IFT80: variants seen among roughly 807,000 people sequenced by gnomAD.
IFT80 encodes intraflagellar transport 80, also known as intraflagellar transport protein 80 homolog.
Under a neutral mutation model 107.9 loss-of-function variants are expected in IFT80, and 79 were observed. The ratio of observed to expected loss-of-function variants is 0.73; its 90% CI spans 0.61 to 0.88. The LOEUF (loss-of-function observed/expected upper bound fraction) is 0.88. Ranked by LOEUF, IFT80 falls within the 40% of genes least tolerant of loss-of-function variation. The probability of loss-of-function intolerance (pLI) is 0.00; values close to 1 mark genes in which losing one functional copy is unlikely to be tolerated. For synonymous variants in IFT80, 299 were observed against 300.9 expected, an observed-to-expected ratio of 0.99 and a Z score of 0.07; for missense variants, 797 against 914.2, an observed-to-expected ratio of 0.87 and a Z score of 1.65.
At chr3:160,324,396 A>C (rs1385924240) in intron 8 of IFT80, among the ~76,000 whole-genome samples, 2 of 151,994 alleles carry the variant, frequency 1.3e-5, no homozygotes, top group African/African-American at 2.4e-5. Context: ...TACTGGCAAA[A>C]CGAATCCAGC....
At chr3:160,282,438 G>A (rs1404099209) in intron 14 of IFT80, 40 bp downstream of exon 14, 1 of 1,308,496 alleles carries the variant, frequency 7.6e-7, no homozygotes, top group Admixed American at 2.0e-5. Context: ...ATATAAGAAA[G>A]TTGACAATTA....
At chr3:160,258,689 G>C in intron 19 of IFT80, 54 bp from the exon 20 acceptor site, 3 of 1,589,034 alleles carry the variant, frequency 1.9e-6, no homozygotes, top group Non-Finnish European at 2.6e-6. Context: ...AGACATTTTT[G>C]TTTACTCCAA....
At position 160,277,166 on chromosome 3, in the gene IFT80, C is replaced by A. The variant is rs1576739438; in HGVS notation, c.2099+140G>T. 1.2e-5 allele frequency: 9 copies of A among 769,928 alleles called. No individual in the cohort carries two copies. In the East Asian group the frequency reaches 2.1e-4, roughly 18 times the overall value. 47.7% of individuals were successfully genotyped at this position (769,928 alleles called of 1,614,324 possible). A position where few individuals can be genotyped will look rare whatever the true frequency, so the allele number is the denominator to read the frequency against. Reference sequence around the variant, plus strand: ...GAGAAGAAATAAATTGTAAACTATTCACAAATATGAATATGAATAAATTCT... The same window carrying A: ...GAGAAGAAATAAATTGTAAACTATTAACAAATATGAATATGAATAAATTCT... On this transcript the variant is annotated intron_variant, in intron 18 of 19. Transcript: ENST00000326448.
intron 10 of IFT80, among the ~76,000 whole-genome samples, chr3:160,305,907 C>T (rs1279190054): frequency 1.3e-5 from 2 of 152,048 alleles, no homozygotes; most frequent in Non-Finnish European, 2.9e-5. Flanking sequence ...TGTCCTTTAG[C>T]TTCAGCTTTC....
intron 5 of IFT80, among the ~76,000 whole-genome samples, chr3:160,369,917 C>CA (rs1340739916): frequency 1.3e-5 from 2 of 152,038 alleles, no homozygotes; most frequent in African/African-American, 4.8e-5. Flanking sequence ...ACACTAAAAT[C>CA]ATGTGACCTT....
intron 15 of IFT80, 90 bp downstream of exon 15, chr3:160,280,577 C>T (rs1714608974): frequency 9.1e-7 from 1 of 1,096,058 alleles, no homozygotes; most frequent in Admixed American, 1.8e-5. Context: ...GTGTAAAACA[C>T]CTTGCAGGAT....
intron 18 of IFT80, among the ~76,000 whole-genome samples, chr3:160,274,894 T>C (rs1714125073): frequency 6.6e-6 from 1 of 152,226 alleles, no homozygotes; most frequent in South Asian, 2.1e-4. Context: ...CACTCCAGCC[T>C]GGATGACAGA....
intron 1 of IFT80, among the ~76,000 whole-genome samples, chr3:160,398,447 T>C (rs943689898): frequency 6.6e-6 from 1 of 151,946 alleles, no homozygotes; most frequent in African/African-American, 2.4e-5. Context: ...TACTTAAGAG[T>C]TGTTGCATGA....
intron 1 of IFT80, among the ~76,000 whole-genome samples, chr3:160,392,018 C>T (rs914283560): frequency 2.0e-4 from 31 of 152,176 alleles, no homozygotes; most frequent in African/African-American, 7.5e-4. Context: ...AAACCATAGC[C>T]TTCTTGGAAC....
At chr3:160,335,177 A>G (rs1576827165) in intron 8 of IFT80, among the ~76,000 whole-genome samples, 3 of 150,412 alleles carry the variant, frequency 2.0e-5, no homozygotes, top group Non-Finnish European at 3.0e-5. Flanking sequence ...GAGTTTCACT[A>G]TGTTTTCCAG....
rs748216758 is a variant in IFT80, at chr3:160,384,746, G to A, written c.-46-100C>T. On this transcript the variant is annotated intron_variant, in intron 1 of 19. Coordinates refer to ENST00000326448, the MANE Select transcript of IFT80 (RefSeq NM_020800.3). ...ACAAAACATCATTGCACCCCAACGA[G>A]CACCTTCAGTCCTTCTGACATCAAG... 1.0e-4 allele frequency: 83 copies of A among 822,464 alleles called. No homozygotes were observed. The Middle Eastern group carries it at 1.7e-3, about 17-fold the overall frequency. The allele number at this position is 822,464 out of a possible 1,614,324, so 50.9% of individuals were successfully genotyped here. A position where few individuals can be genotyped will look rare whatever the true frequency, so the allele number is the denominator to read the frequency against.
At chr3:160,338,366 C>T (rs1719645531) in intron 8 of IFT80, among the ~76,000 whole-genome samples, 1 of 152,106 alleles carries the variant, frequency 6.6e-6, no homozygotes, top group Admixed American at 6.5e-5. Context: ...CACAGGCATC[C>T]ACAAGGGAGG....
intron 19 of IFT80, among the ~76,000 whole-genome samples, chr3:160,265,158 T>C (rs549103576): frequency 1.3e-5 from 2 of 152,328 alleles, no homozygotes; most frequent in South Asian, 2.1e-4. Flanking sequence ...ACGTTTACTA[T>C]TATATCCCAA....
intron 5 of IFT80, among the ~76,000 whole-genome samples, chr3:160,369,026 C>T (rs1180115116): frequency 6.6e-6 from 1 of 151,940 alleles, no homozygotes; most frequent in South Asian, 2.1e-4. Flanking sequence ...TTAACTTTAA[C>T]ATTTAATTTG....
intron 5 of IFT80, among the ~76,000 whole-genome samples, chr3:160,370,358 A>G (rs1722147990): frequency 6.6e-6 from 1 of 151,506 alleles, no homozygotes; most frequent in Admixed American, 6.6e-5. Context: ...TGTATTGTTC[A>G]TAGTAGTAGC....
chr3:160,303,890 C>A (rs1030867369), intron 11 of IFT80, 25 bp downstream of exon 11: 1 of 1,437,144 alleles, frequency 7.0e-7, no homozygotes. Context: ...AACCCCAGAT[C>A]CAGTAGTTAA....
intron 12 of IFT80, among the ~76,000 whole-genome samples, chr3:160,292,123 T>A (rs1715607388): frequency 6.6e-6 from 1 of 152,106 alleles, no homozygotes; most frequent in South Asian, 2.1e-4. Context: ...TACAAAAGGG[T>A]CCTGACATGA....
chr3:160,347,550 G>C (rs1207559172), intron 8 of IFT80, among the ~76,000 whole-genome samples: 2 of 152,138 alleles, frequency 1.3e-5, no homozygotes, highest in African/African-American at 2.4e-5. Context: ...ATCATCTAAA[G>C]AGGAAGGAAA....
At chr3:160,285,971 T>G in intron 12 of IFT80, 103 bp from the exon 13 acceptor site, 2 of 786,040 alleles carry the variant, frequency 2.5e-6, no homozygotes, top group Non-Finnish European at 2.1e-6. Context: ...TTTAACTCTC[T>G]AGACCACAGA....
Sources: allele counts gnomAD v4.1 joint callset (sites outside exome capture counted in the v4.1 genomes callset), GRCh38; gene constraint gnomAD v4.1.1; transcripts MANE v1.5; gene names NCBI Gene and HGNC (gene_info 2026-07-23, HGNC 2026-07-21).